The following LIPJ variants were observed in gnomAD, a reference collection of about 807,000 sequenced individuals.
The protein encoded by LIPJ is lipase family member J.
A neutral mutation model predicts 39.8 loss-of-function variants in LIPJ; 33 were observed. The ratio of observed to expected loss-of-function variants is 0.83; its 90% CI spans 0.63 to 1.11. The LOEUF (loss-of-function observed/expected upper bound fraction) is 1.11, where lower values mean the gene tolerates loss of function less well. Ranked by LOEUF, LIPJ falls within the 50% of genes least tolerant of loss-of-function variation. LIPJ has a pLI of 0.00. For synonymous variants in LIPJ, 128 were observed against 139.2 expected (o/e 0.92, Z 0.57); for missense variants, 422 against 427.9 (o/e 0.99, Z 0.12).
At chr10:88,621,069 G>C in the LIPJ span, among the ~76,000 whole-genome samples, 23 of 152,130 alleles carry the variant, frequency 1.5e-4, no homozygotes, top group African/African-American at 4.1e-4. Flanking sequence ...CGTCCAAATA[G>C]TGTCACATGG....
At chr10:88,588,126 T>C (rs969020420) in intron 2 of LIPJ, among the ~76,000 whole-genome samples, 2 of 150,580 alleles carry the variant, frequency 1.3e-5, no homozygotes, top group African/African-American at 2.5e-5. Context: ...CCTAAATTGT[T>C]TGAAACATAT....
the LIPJ span, among the ~76,000 whole-genome samples, chr10:88,620,818 G>A: frequency 5.3e-5 from 8 of 152,164 alleles, no homozygotes; most frequent in African/African-American, 1.9e-4. Context: ...AAACTGAGTG[G>A]CTTAAACAGT....
At chr10:88,592,104 G>A (rs80062127) in intron 4 of LIPJ, 3,061 of 151,892 alleles carry the variant, frequency 0.02, 78 homozygotes, top group South Asian at 0.085. Context: ...TTTTCTTCCT[G>A]AAAGAATGTT....
upstream of LIPJ, among the ~76,000 whole-genome samples, chr10:88,586,244 T>TG (rs1184972231): frequency 7.2e-5 from 11 of 152,164 alleles, no homozygotes; most frequent in African/African-American, 2.7e-4. Flanking sequence ...CCAACCTCCA[T>TG]GGGTTACATC....
upstream of LIPJ, chr10:88,583,512 C>A: frequency 8.4e-7 from 1 of 1,195,410 alleles, no homozygotes. Context: ...GAGAACCCGC[C>A]TCGCAACAGA....
At chr10:88,592,749 G>T (rs1006730530) in intron 4 of LIPJ, 5 of 151,952 alleles carry the variant, frequency 3.3e-5, no homozygotes, top group African/African-American at 1.2e-4. Flanking sequence ...AGGAGCAATA[G>T]TAAACCCTTA....
At chr10:88,601,849 A>C (rs570131731) in intron 8 of LIPJ, among the ~76,000 whole-genome samples, 2 of 152,202 alleles carry the variant, frequency 1.3e-5, no homozygotes, top group African/African-American at 4.8e-5. Context: ...TTTTACTAAG[A>C]ATTGGAATAG....
At chr10:88,583,075 G>A, upstream of LIPJ, 1 of 1,611,310 alleles carries the variant, frequency 6.2e-7, no homozygotes, top group South Asian at 1.1e-5. Flanking sequence ...CAACCCACCT[G>A]AGTCCTCAGC....
upstream of LIPJ, chr10:88,584,493 G>C (rs942294216): frequency 6.6e-6 from 1 of 152,222 alleles, no homozygotes; most frequent in Admixed American, 6.5e-5. Flanking sequence ...GTATATATTG[G>C]ATAGAGTTCT....
intron 4 of LIPJ, 88 bp from the exon 5 acceptor site, chr10:88,593,858 C>A: frequency 9.2e-7 from 1 of 1,091,596 alleles, no homozygotes; most frequent in Non-Finnish European, 1.3e-6. Flanking sequence ...TTTAAACTGT[C>A]ATGTACTAAA....
exon 5 of LIPJ, chr10:88,594,074 A>G (rs2134551108): frequency 6.2e-7 from 1 of 1,612,314 alleles, no homozygotes; most frequent in Non-Finnish European, 8.5e-7. Context: ...GATGGGAAAT[A>G]GCAGAGGAAA....
At chr10:88,592,750 T>C (rs560305977) in intron 4 of LIPJ, 1 of 151,928 alleles carries the variant, frequency 6.6e-6, no homozygotes, top group South Asian at 2.1e-4. Context: ...GGAGCAATAG[T>C]AAACCCTTAA....
chr10:88,583,777 T>G, upstream of LIPJ: 1 of 909,280 alleles, frequency 1.1e-6, no homozygotes, highest in Non-Finnish European at 1.3e-6. Context: ...AATTTCTCCA[T>G]CTGGGAAATG....
intron 6 of LIPJ, 70 bp downstream of exon 6, chr10:88,594,846 G>T: frequency 2.9e-6 from 2 of 680,090 alleles, no homozygotes; most frequent in Non-Finnish European, 4.8e-6. Context: ...ACTTCTTAAA[G>T]TTGTAGATAA....
At chr10:88,607,355 A>C (rs148378079), downstream of LIPJ, among the ~76,000 whole-genome samples, 302 of 152,284 alleles carry the variant, frequency 2.0e-3, 3 homozygotes, top group African/African-American at 6.7e-3. Flanking sequence ...AAAGAAAAAG[A>C]AGGAGAGCCT....
chr10:88,613,800 A>ATATATATATG, the LIPJ span, among the ~76,000 whole-genome samples: 36 of 74,154 alleles, frequency 4.9e-4, no homozygotes, highest in South Asian at 4.3e-3. Context: ...ATATATATAT[A>ATATATATATG]TGTGTGTGTG....
chr10:88,596,290 AT>A lies in LIPJ; in HGVS notation c.454del (p.Ser152LeufsTer6). The A allele has an allele frequency of 6.9e-7, 1 of 1,454,444 alleles. No homozygotes were observed. Among genetic ancestry groups the A allele is most frequent in the Non-Finnish European group, 9.2e-7 (1 of 1,088,126 alleles). The allele number at this position is 1,454,444 out of a possible 1,614,324, so 90.1% of individuals were successfully genotyped here. On this transcript the variant is annotated frameshift_variant, in exon 7 of 11. Transcript: ENST00000371939. LOFTEE classifies it high-confidence loss of function. ...CTTATTTTATTTTAGGTTTCATAAC[AT>A]TTTCTACTATATCAAAGATAGCTGA...
At chr10:88,583,400 C>T (rs1850780832), upstream of LIPJ, 1 of 1,377,502 alleles carries the variant, frequency 7.3e-7, no homozygotes, top group South Asian at 1.6e-5. Flanking sequence ...AGGAGCAAAC[C>T]TGGGGCTGCG....
intron 8 of LIPJ, among the ~76,000 whole-genome samples, chr10:88,599,280 C>T (rs976491688): frequency 2.0e-5 from 3 of 151,910 alleles, no homozygotes; most frequent in Middle Eastern, 3.4e-3. Flanking sequence ...GGTGATAATG[C>T]TTAAGATCTA....
Sources: allele counts gnomAD v4.1 joint callset (sites outside exome capture counted in the v4.1 genomes callset), GRCh38; gene constraint gnomAD v4.1.1; transcripts MANE v1.5; gene names NCBI Gene and HGNC (gene_info 2026-07-23, HGNC 2026-07-21).